The following ZCWPW1 variants were observed in gnomAD, a reference collection of about 807,000 sequenced individuals.
ZCWPW1 encodes zinc finger CW-type and PWWP domain containing 1, also known as zinc finger CW-type PWWP domain protein 1.
ZCWPW1 carries 56 observed loss-of-function variants against 81.3 expected under a neutral mutation model. The ratio of observed to expected loss-of-function variants is 0.69; its 90% CI spans 0.56 to 0.86. The LOEUF (loss-of-function observed/expected upper bound fraction) is 0.86, where lower values mean the gene tolerates loss of function less well. ZCWPW1 is among the 40% of genes least tolerant of loss of function. The pLI is 0.00. For missense variants in ZCWPW1, 650 were observed against 769.8 expected (o/e 0.84, Z 1.84); for synonymous variants, 250 against 273.7 (o/e 0.91, Z 0.86).
chr7:100,420,177 T>G (rs1336780348), intron 3 of ZCWPW1, among the ~76,000 whole-genome samples: 3 of 152,152 alleles, frequency 2.0e-5, no homozygotes, highest in Admixed American at 1.3e-4. Flanking sequence ...GGAAGCTGAG[T>G]TATCCAAATG....
intron 17 of ZCWPW1, 80 bp downstream of exon 17, chr7:100,401,809 T>TG: frequency 6.6e-7 from 1 of 1,505,324 alleles, no homozygotes. Flanking sequence ...AGCTGTAAAA[T>TG]GGTTAAGAAA....
chr7:100,411,271 T>G (rs1264714173), intron 8 of ZCWPW1, among the ~76,000 whole-genome samples: 1 of 144,874 alleles, frequency 6.9e-6, no homozygotes, highest in Non-Finnish European at 1.5e-5. Flanking sequence ...CGCAATTACT[T>G]TTTTTTTTTT....
chr7:100,425,172 T>C (rs1312205642), intron 1 of ZCWPW1, 36 bp from the exon 2 acceptor site: 1 of 152,214 alleles, frequency 6.6e-6, no homozygotes, highest in African/African-American at 2.4e-5. Context: ...ATATAGACAG[T>C]TAATAAAAAT....
At position 100,406,784 on chromosome 7, in the gene ZCWPW1, C is replaced by A. The variant is rs1793099113; in HGVS notation, c.1083G>T (p.Val361=). ...HLDSLPSKYH[V]TFFGETVSRA... is the part of the protein sequence containing the mutation. Reference sequence around the variant, plus strand: ...GAGAAACTGTTTCTCCAAAAAACGTCACATGGTACTTAGACTGAAATAAAA... The same window carrying A: ...GAGAAACTGTTTCTCCAAAAAACGTAACATGGTACTTAGACTGAAATAAAA... The change falls in exon 12 of 18, where the codon GTG becomes GTT. Residue 361 remains valine, a synonymous_variant. Transcript: ENST00000684423. 5 of 1,614,116 alleles carry A rather than the reference C, an allele frequency of 3.1e-6. No individual in the cohort carries two copies. Among genetic ancestry groups the A allele is most frequent in the Non-Finnish European group, 4.2e-6 (5 of 1,179,996 alleles).
At chr7:100,422,093 C>T (rs1273832775) in intron 2 of ZCWPW1, among the ~76,000 whole-genome samples, 1 of 152,138 alleles carries the variant, frequency 6.6e-6, no homozygotes. Flanking sequence ...TGTAGCATTC[C>T]ATTTAATTCT....
chr7:100,406,804 AT>A lies in ZCWPW1; in HGVS notation c.1069-7del, dbSNP rs1283464546. The A allele has an allele frequency of 6.2e-7, 1 of 1,613,014 alleles. No homozygotes were observed. Among genetic ancestry groups the A allele is most frequent in the Admixed American group, 1.7e-5 (1 of 60,008 alleles). Reference sequence around the variant, plus strand: ...AACGTCACATGGTACTTAGACTGAAATAAAAGATGATCCTGTTACGGACTCC... The same window carrying A: ...AACGTCACATGGTACTTAGACTGAAAAAAAGATGATCCTGTTACGGACTCC... On this transcript the variant is annotated splice_polypyrimidine_tract_variant and splice_region_variant and intron_variant, in intron 11 of 17. Coordinates refer to ENST00000684423, the MANE Select transcript of ZCWPW1 (RefSeq NM_001386010.1).
At chr7:100,418,201 T>G (rs1157725369) in intron 5 of ZCWPW1, among the ~76,000 whole-genome samples, 1 of 152,158 alleles carries the variant, frequency 6.6e-6, no homozygotes, top group Non-Finnish European at 1.5e-5. Context: ...ACTGCGTTCT[T>G]TATTCCAAAA....
chr7:100,419,335 A>T, intron 4 of ZCWPW1, 146 bp from the exon 5 acceptor site: 1 of 770,400 alleles, frequency 1.3e-6, no homozygotes, highest in Non-Finnish European at 2.0e-6. Context: ...GCCATGAACT[A>T]TATCCCAGAT....
chr7:100,421,685 A>C (rs1249319374), intron 2 of ZCWPW1, among the ~76,000 whole-genome samples: 1 of 152,064 alleles, frequency 6.6e-6, no homozygotes, highest in South Asian at 2.1e-4. Flanking sequence ...GTTCCACACG[A>C]CATCAATGTG....
At chr7:100,419,273 T>G in intron 4 of ZCWPW1, 84 bp from the exon 5 acceptor site, 2 of 1,199,744 alleles carry the variant, frequency 1.7e-6, no homozygotes, top group Non-Finnish European at 2.4e-6. Context: ...CTCCTTCAGA[T>G]GAGGCAGTAA....
chr7:100,426,890 TCC>T (rs1421816730), intron 1 of ZCWPW1, among the ~76,000 whole-genome samples: 2 of 35,338 alleles, frequency 5.7e-5, no homozygotes, highest in Admixed American at 5.5e-4. Flanking sequence ...CTTCCCTGCT[TCC>T]CCTCCTTCTT....
chr7:100,409,817 C>T (rs1317686931), intron 8 of ZCWPW1, among the ~76,000 whole-genome samples: 4 of 152,216 alleles, frequency 2.6e-5, no homozygotes, highest in Admixed American at 6.5e-5. Context: ...CCATGTCTCC[C>T]TGCCCCAAGG....
At chr7:100,425,775 GT>G (rs545819800) in intron 1 of ZCWPW1, among the ~76,000 whole-genome samples, 76 of 152,198 alleles carry the variant, frequency 5.0e-4, no homozygotes, top group African/African-American at 1.4e-3. Context: ...ATTTTCTTTT[GT>G]TTAGGAGAAT....
intron 3 of ZCWPW1, 118 bp from the exon 4 acceptor site, chr7:100,420,001 G>T: frequency 1.2e-6 from 1 of 840,618 alleles, no homozygotes. Context: ...AACAAATTCA[G>T]ATTCCTGGGT....
chr7:100,417,384 T>A, intron 5 of ZCWPW1: 1 of 518,410 alleles, frequency 1.9e-6, no homozygotes, highest in Non-Finnish European at 3.4e-6. Flanking sequence ...TCGATCTGCC[T>A]CATTCCAGGA....
At chr7:100,420,517 G>T in intron 3 of ZCWPW1, 105 bp downstream of exon 3, 1 of 1,342,468 alleles carries the variant, frequency 7.4e-7, no homozygotes. Context: ...TGACCTGAGT[G>T]GGCACAGAAT....
chr7:100,413,083 C>G (rs1794543740), intron 8 of ZCWPW1, among the ~76,000 whole-genome samples: 1 of 152,110 alleles, frequency 6.6e-6, no homozygotes. Flanking sequence ...ATACCTAATC[C>G]TAATACTAAC....
chr7:100,428,282 A>C (rs1798115091), intron 1 of ZCWPW1, among the ~76,000 whole-genome samples: 1 of 151,976 alleles, frequency 6.6e-6, no homozygotes, highest in Non-Finnish European at 1.5e-5. Context: ...CCTGAGCACT[A>C]GCTCCACCCG....
At chr7:100,415,774 A>AG (rs1349518062) in intron 8 of ZCWPW1, among the ~76,000 whole-genome samples, 1 of 152,244 alleles carries the variant, frequency 6.6e-6, no homozygotes, top group African/African-American at 2.4e-5. Context: ...CTTTGTACAC[A>AG]GTAGGCACCC....
Sources: gnomAD v4.1 joint callset for allele counts (sites outside exome capture counted in the v4.1 genomes callset) on GRCh38, gnomAD v4.1.1 for gene constraint, MANE v1.5 for transcripts, NCBI Gene and HGNC (gene_info 2026-07-23, HGNC 2026-07-21) for gene names.